The following ZNF407 variants were observed in gnomAD, a reference collection of about 807,000 sequenced individuals.
ZNF407 encodes zinc finger protein 407.
ZNF407 carries 17 observed loss-of-function variants against 131.2 expected under a neutral mutation model. The observed-to-expected ratio is 0.13, with a 90% CI of 0.09 to 0.19. ZNF407 has a LOEUF of 0.19. Ranked by LOEUF, ZNF407 falls within the 10% of genes least tolerant of loss-of-function variation. ZNF407 has a pLI of 1.00. For synonymous variants in ZNF407, 1,156 were observed against 1,062.0 expected (o/e 1.09, Z -1.72); for missense variants, 2,681 against 2,830.6 (o/e 0.95, Z 1.20).
At chr18:74,737,743 A>C (rs764879830) in intron 3 of ZNF407, among the ~76,000 whole-genome samples, 18 of 152,216 alleles carry the variant, frequency 1.2e-4, no homozygotes, top group Non-Finnish European at 2.5e-4. Context: ...AAAGGATCAC[A>C]ATTACCTTAG....
intron 3 of ZNF407, among the ~76,000 whole-genome samples, chr18:74,716,119 T>C (rs1309608389): frequency 6.6e-6 from 1 of 152,208 alleles, no homozygotes; most frequent in Non-Finnish European, 1.5e-5. Flanking sequence ...CAAATAGATA[T>C]TTTGCTGCTC....
intron 7 of ZNF407, among the ~76,000 whole-genome samples, chr18:74,892,631 T>C (rs1971401095): frequency 1.3e-5 from 2 of 152,194 alleles, no homozygotes; most frequent in African/African-American, 4.8e-5. Flanking sequence ...CCTGCCAATA[T>C]GCTTTTCTTA....
intron 1 of ZNF407, among the ~76,000 whole-genome samples, chr18:74,612,287 A>G (rs1983095826): frequency 6.6e-6 from 1 of 152,178 alleles, no homozygotes; most frequent in Non-Finnish European, 1.5e-5. Context: ...ACTGTATAAG[A>G]AGGAAGGTGA....
intron 3 of ZNF407, among the ~76,000 whole-genome samples, chr18:74,770,511 T>C (rs1969338912): frequency 6.6e-6 from 1 of 152,096 alleles, no homozygotes; most frequent in African/African-American, 2.4e-5. Flanking sequence ...AAGAATAAAA[T>C]AACCTTAATG....
chr18:74,962,251 C>G (rs766710893), intron 8 of ZNF407, among the ~76,000 whole-genome samples: 3 of 152,156 alleles, frequency 2.0e-5, no homozygotes, highest in Admixed American at 6.5e-5. Context: ...ATGAAAAATT[C>G]CCTTTGGTGG....
intron 5 of ZNF407, among the ~76,000 whole-genome samples, 176 bp downstream of exon 5, chr18:74,877,539 G>A (rs1043685722): frequency 6.6e-6 from 1 of 152,210 alleles, no homozygotes; most frequent in African/African-American, 2.4e-5. Context: ...ATTTTTCAGT[G>A]AGAAGGCAAT....
intron 1 of ZNF407, among the ~76,000 whole-genome samples, chr18:74,604,738 T>A (rs1191242863): frequency 6.6e-6 from 1 of 152,250 alleles, no homozygotes; most frequent in African/African-American, 2.4e-5. Flanking sequence ...GAGTTCTTTA[T>A]ATAAACACTG....
chr18:74,790,066 A>T (rs1458502684), intron 4 of ZNF407, among the ~76,000 whole-genome samples: 2 of 152,180 alleles, frequency 1.3e-5, no homozygotes, highest in African/African-American at 4.8e-5. Context: ...AACATTAGAG[A>T]ATAAAAGGTA....
intron 1 of ZNF407, among the ~76,000 whole-genome samples, chr18:74,608,183 A>G (rs1260797705): frequency 1.3e-5 from 2 of 152,234 alleles, no homozygotes; most frequent in African/African-American, 2.4e-5. Flanking sequence ...CCATAATACA[A>G]TCATTGAAAC....
intron 3 of ZNF407, among the ~76,000 whole-genome samples, chr18:74,770,270 C>T (rs1372127116): frequency 1.3e-5 from 2 of 152,030 alleles, no homozygotes; most frequent in African/African-American, 2.4e-5. Flanking sequence ...GTGGTATGCT[C>T]ACCTGTAGTA....
chr18:74,652,680 C>T (rs1006725488), intron 3 of ZNF407, among the ~76,000 whole-genome samples: 1 of 151,950 alleles, frequency 6.6e-6, no homozygotes, highest in Non-Finnish European at 1.5e-5. Context: ...CCATTAGTTT[C>T]ATATTACAAC....
At chr18:74,891,790 A>G (rs75999060) in intron 7 of ZNF407, among the ~76,000 whole-genome samples, 2,296 of 152,304 alleles carry the variant, frequency 0.015, 60 homozygotes, top group African/African-American at 0.052. Flanking sequence ...TTAGAAAATT[A>G]CAAGAATTTC....
chr18:74,918,357 C>T lies in ZNF407; in HGVS notation c.5250-2157C>T, dbSNP rs1424425286. ...AGCCATACAGCCTGTGTAGCCAGCT[C>T]ATCATTGTGATATTTACCTTCTTCT... On this transcript the variant is annotated intron_variant, in intron 7 of 8. Coordinates refer to ENST00000299687, the MANE Select transcript of ZNF407 (RefSeq NM_017757.3). Among the ~76,000 whole-genome samples, 7 of 152,306 alleles carry T rather than the reference C, an allele frequency of 4.6e-5. No homozygotes were observed. The East Asian group carries it at 1.4e-3, about 29-fold the overall frequency.
intron 3 of ZNF407, among the ~76,000 whole-genome samples, chr18:74,755,380 T>C (rs1446980489): frequency 1.3e-5 from 2 of 152,184 alleles, no homozygotes; most frequent in African/African-American, 2.4e-5. Context: ...AATTTGATCC[T>C]GTCATTATGA....
intron 8 of ZNF407, among the ~76,000 whole-genome samples, chr18:74,923,246 G>A (rs1451491611): frequency 1.3e-5 from 2 of 150,690 alleles, no homozygotes; most frequent in East Asian, 1.9e-4. Context: ...TTTAACCATG[G>A]ATTATTATTT....
At chr18:75,049,895 C>T (rs558941063) in intron 8 of ZNF407, among the ~76,000 whole-genome samples, 8 of 152,260 alleles carry the variant, frequency 5.3e-5, no homozygotes, top group South Asian at 4.1e-4. Context: ...ATATTATTAC[C>T]GTTCTTTGCC....
At chr18:75,012,369 T>TAGTGTATGTACAC (rs1972987843) in intron 8 of ZNF407, among the ~76,000 whole-genome samples, 1 of 90,594 alleles carries the variant, frequency 1.1e-5, no homozygotes, top group Non-Finnish European at 2.4e-5. Flanking sequence ...TATGTACACA[T>TAGTGTATGTACAC]AGTGTATGTA....
At chr18:74,642,055 T>TA (rs1984747596) in intron 3 of ZNF407, among the ~76,000 whole-genome samples, 1 of 152,002 alleles carries the variant, frequency 6.6e-6, no homozygotes, top group South Asian at 2.1e-4. Flanking sequence ...TGCTGATTGA[T>TA]AGTACCATGT....
At chr18:74,957,629 T>A (rs898075167) in intron 8 of ZNF407, among the ~76,000 whole-genome samples, 2 of 152,162 alleles carry the variant, frequency 1.3e-5, no homozygotes, top group East Asian at 3.9e-4. Flanking sequence ...GCATTGACAG[T>A]TGCTATTTTA....
Sources: gnomAD v4.1 joint callset for allele counts (sites outside exome capture counted in the v4.1 genomes callset) on GRCh38, gnomAD v4.1.1 for gene constraint, MANE v1.5 for transcripts, NCBI Gene and HGNC (gene_info 2026-07-23, HGNC 2026-07-21) for gene names.